The following VRK1 variants were observed in gnomAD, a reference collection of about 807,000 sequenced individuals.
The protein encoded by VRK1 is VRK serine/threonine kinase 1.
Under a neutral mutation model 57.1 loss-of-function variants are expected in VRK1, and 33 were observed. That is an observed-to-expected ratio of 0.58 (90% CI 0.44 to 0.77). The LOEUF (loss-of-function observed/expected upper bound fraction) is 0.77, where lower values mean the gene tolerates loss of function less well. Among genes scored for constraint, VRK1 ranks in the 30% least tolerant of loss-of-function variants. VRK1 has a pLI of 0.00. For missense variants in VRK1, 413 were observed against 477.3 expected, an observed-to-expected ratio of 0.87 and a Z score of 1.25; for synonymous variants, 137 against 147.8, an observed-to-expected ratio of 0.93 and a Z score of 0.53.
intron 11 of VRK1, among the ~76,000 whole-genome samples, chr14:96,866,171 A>G (rs1888578979): frequency 6.6e-6 from 1 of 152,084 alleles, no homozygotes; most frequent in African/African-American, 2.4e-5. Flanking sequence ...TGAATTTACT[A>G]GATTATTGTA....
intron 3 of VRK1, among the ~76,000 whole-genome samples, chr14:96,842,517 TATAAA>T (rs544243600): frequency 2.5e-3 from 384 of 152,340 alleles, no homozygotes; most frequent in Non-Finnish European, 4.8e-3. Flanking sequence ...AAGGTTGTCT[TATAAA>T]ATGGCTATTT....
intron 3 of VRK1, among the ~76,000 whole-genome samples, chr14:96,845,499 A>T (rs1887644848): frequency 1.3e-5 from 2 of 152,328 alleles, no homozygotes; most frequent in Admixed American, 1.3e-4. Context: ...ACAATTGTTA[A>T]TGAGCCCCAT....
Position 96,837,834 on chromosome 14 carries a change from C to A in VRK1, c.216+17C>A. 3 of 1,535,658 alleles carry A rather than the reference C, an allele frequency of 2.0e-6. No homozygotes were observed. Among genetic ancestry groups the A allele is most frequent in the South Asian group, 1.3e-5 (1 of 74,252 alleles). ...GTAAAAGTGGTAAGAAATATTTTAG[C>A]TAATTTGTTTCTTTTCTGTTGATTT... On this transcript the variant is annotated intron_variant, in intron 3 of 12. Coordinates refer to ENST00000216639, the MANE Select transcript of VRK1 (RefSeq NM_003384.3).
chr14:96,845,478 A>T (rs965687913), intron 3 of VRK1, among the ~76,000 whole-genome samples: 1 of 152,222 alleles, frequency 6.6e-6, no homozygotes, highest in Non-Finnish European at 1.5e-5. Context: ...AGTCCATAAC[A>T]TTGGTAGAAA....
intron 2 of VRK1, among the ~76,000 whole-genome samples, chr14:96,836,403 G>A (rs147136853): frequency 3.3e-5 from 5 of 151,814 alleles, no homozygotes; most frequent in South Asian, 4.2e-4. Context: ...TAAGCCCATC[G>A]TGTTTGTTCC....
chr14:96,838,342 A>G (rs1408445032), intron 3 of VRK1, among the ~76,000 whole-genome samples: 1 of 152,130 alleles, frequency 6.6e-6, no homozygotes, highest in Non-Finnish European at 1.5e-5. Flanking sequence ...GCAACATCCT[A>G]TCTGACATAA....
chr14:96,850,580 G>A (rs746671458), intron 5 of VRK1, among the ~76,000 whole-genome samples: 15 of 152,156 alleles, frequency 9.9e-5, no homozygotes, highest in Admixed American at 2.6e-4. Flanking sequence ...AGTAGTGGTA[G>A]GGTGATTTGT....
chr14:96,824,254 G>A (rs1286280532), intron 1 of VRK1, among the ~76,000 whole-genome samples: 1 of 152,146 alleles, frequency 6.6e-6, no homozygotes, highest in Non-Finnish European at 1.5e-5. Flanking sequence ...CAAGCTCCCT[G>A]AATGAAAGCT....
chr14:96,861,612 G>A (rs535200895), intron 11 of VRK1, among the ~76,000 whole-genome samples: 26 of 152,014 alleles, frequency 1.7e-4, no homozygotes, highest in Non-Finnish European at 3.2e-4. Flanking sequence ...AAAATCAGAC[G>A]CAGCACATTG....
At chr14:96,847,448 C>T (rs538947468) in intron 5 of VRK1, 104 bp downstream of exon 5, 10 of 884,462 alleles carry the variant, frequency 1.1e-5, no homozygotes, top group South Asian at 1.1e-4. Flanking sequence ...TATTACTAGG[C>T]CTCCCTCTGG....
chr14:96,820,444 G>A (rs914560628), intron 1 of VRK1, among the ~76,000 whole-genome samples: 10 of 151,996 alleles, frequency 6.6e-5, no homozygotes, highest in African/African-American at 2.2e-4. Context: ...TCATCTTCAC[G>A]CCTCTCATTT....
intron 1 of VRK1, among the ~76,000 whole-genome samples, chr14:96,814,673 C>T (rs2139703855): frequency 6.6e-6 from 1 of 152,180 alleles, no homozygotes; most frequent in East Asian, 1.9e-4. Flanking sequence ...GCACAGCTCC[C>T]AGGGGTGCAG....
chr14:96,837,906 T>A, intron 3 of VRK1, 89 bp downstream of exon 3: 2 of 846,332 alleles, frequency 2.4e-6, no homozygotes, highest in South Asian at 2.5e-5. Flanking sequence ...TAGAATTAAT[T>A]AAACCATAAG....
chr14:96,805,219 C>T (rs746484620), intron 1 of VRK1, among the ~76,000 whole-genome samples: 23 of 152,118 alleles, frequency 1.5e-4, no homozygotes, highest in Admixed American at 9.2e-4. Flanking sequence ...TCTTCAAAAT[C>T]CTGAGGACTG....
chr14:96,876,220 A>G, intron 12 of VRK1, 100 bp downstream of exon 12: 1 of 1,062,460 alleles, frequency 9.4e-7, no homozygotes, highest in South Asian at 1.3e-5. Context: ...TGACCTTTTG[A>G]TTTTATAATA....
intron 11 of VRK1, among the ~76,000 whole-genome samples, chr14:96,868,866 G>A (rs1888693311): frequency 6.7e-6 from 1 of 148,350 alleles, no homozygotes; most frequent in Non-Finnish European, 1.5e-5. Flanking sequence ...GCAATGGGAC[G>A]ATCTCGACTC....
At chr14:96,810,930 C>A (rs1244784927) in intron 1 of VRK1, among the ~76,000 whole-genome samples, 1 of 134,472 alleles carries the variant, frequency 7.4e-6, no homozygotes, top group African/African-American at 2.7e-5. Context: ...ACCTGTTCTT[C>A]TGATTTTTTT....
At chr14:96,817,208 T>C (rs1886427177) in intron 1 of VRK1, among the ~76,000 whole-genome samples, 1 of 152,164 alleles carries the variant, frequency 6.6e-6, no homozygotes, top group South Asian at 2.1e-4. Flanking sequence ...TTTAAAGCCA[T>C]ATTTATTTCT....
At chr14:96,844,239 T>C (rs1209589115) in intron 3 of VRK1, among the ~76,000 whole-genome samples, 1 of 152,208 alleles carries the variant, frequency 6.6e-6, no homozygotes, top group African/African-American at 2.4e-5. Context: ...CAAGCTATTA[T>C]TGCTGCTAGG....
Sources: gnomAD v4.1 joint callset for allele counts (sites outside exome capture counted in the v4.1 genomes callset) on GRCh38, gnomAD v4.1.1 for gene constraint, MANE v1.5 for transcripts, NCBI Gene and HGNC (gene_info 2026-07-23, HGNC 2026-07-21) for gene names.